The following NYAP2 variants were observed in gnomAD, a reference collection of about 807,000 sequenced individuals.
NYAP2 encodes neuronal tyrosine-phosphorylated phosphoinositide-3-kinase adaptor 2, also known as neuronal tyrosine-phosphorylated phosphoinositide-3-kinase adapter 2.
In NYAP2, 23 loss-of-function variants were observed where a neutral mutation model predicts 50.4. That is an observed-to-expected ratio of 0.46 (90% CI 0.33 to 0.65). The LOEUF is 0.65. Ranked by LOEUF, NYAP2 falls within the 30% of genes least tolerant of loss-of-function variation. The pLI is 0.02. For missense variants in NYAP2, 885 were observed against 861.0 expected, an observed-to-expected ratio of 1.03 and a Z score of -0.35; for synonymous variants, 394 against 365.2, an observed-to-expected ratio of 1.08 and a Z score of -0.90.
At chr2:225,583,955 T>A (rs1333367404) in intron 5 of NYAP2, among the ~76,000 whole-genome samples, 3 of 152,016 alleles carry the variant, frequency 2.0e-5, no homozygotes, top group Non-Finnish European at 2.9e-5. Context: ...GGCAGGAGAA[T>A]GGCGCGAACC....
At chr2:225,510,024 A>G (rs1053989394) in intron 3 of NYAP2, among the ~76,000 whole-genome samples, 2 of 152,214 alleles carry the variant, frequency 1.3e-5, no homozygotes, top group Non-Finnish European at 2.9e-5. Flanking sequence ...AGAAGCCAGG[A>G]GAGACATATA....
At chr2:225,691,461 A>G in the NYAP2 span, among the ~76,000 whole-genome samples, 13 of 152,276 alleles carry the variant, frequency 8.5e-5, no homozygotes, top group East Asian at 2.5e-3. Context: ...AAAAACAGGC[A>G]GTGGGCTGTA....
chr2:225,564,628 T>A (rs970716260), intron 4 of NYAP2, among the ~76,000 whole-genome samples: 2 of 151,654 alleles, frequency 1.3e-5, no homozygotes, highest in Non-Finnish European at 2.9e-5. Flanking sequence ...AGAATGAAGG[T>A]ACACTGCATG....
the NYAP2 span, among the ~76,000 whole-genome samples, chr2:225,667,518 G>T: frequency 6.6e-6 from 1 of 152,152 alleles, no homozygotes; most frequent in Non-Finnish European, 1.5e-5. Context: ...GGAACCATAA[G>T]CATGATCATT....
the NYAP2 span, chr2:225,702,139 AC>A: frequency 2.0e-5 from 3 of 151,772 alleles, no homozygotes; most frequent in African/African-American, 7.2e-5. Flanking sequence ...GGGAATTCAC[AC>A]TTGCAAAGAA....
At chr2:225,435,925 C>G (rs531209577) in intron 3 of NYAP2, among the ~76,000 whole-genome samples, 1 of 152,106 alleles carries the variant, frequency 6.6e-6, no homozygotes, top group Admixed American at 6.6e-5. Context: ...CATTTGTAAA[C>G]GAGATATACT....
intron 3 of NYAP2, among the ~76,000 whole-genome samples, chr2:225,499,930 A>G (rs1690575284): frequency 6.6e-6 from 1 of 152,216 alleles, no homozygotes; most frequent in African/African-American, 2.4e-5. Flanking sequence ...ACGATGTTTG[A>G]GCTAAGTATT....
intron 4 of NYAP2, among the ~76,000 whole-genome samples, chr2:225,550,998 C>A (rs1691664555): frequency 6.6e-6 from 1 of 152,088 alleles, no homozygotes; most frequent in African/African-American, 2.4e-5. Context: ...GGCTATTATC[C>A]ATTATAGATA....
At chr2:225,406,735 A>G (rs1024566716) in intron 2 of NYAP2, among the ~76,000 whole-genome samples, 4 of 152,028 alleles carry the variant, frequency 2.6e-5, no homozygotes, top group Non-Finnish European at 5.9e-5. Context: ...GCATCTTTCT[A>G]TAGTGTAAAT....
intron 4 of NYAP2, among the ~76,000 whole-genome samples, chr2:225,547,284 A>G (rs891710039): frequency 3.3e-5 from 5 of 152,216 alleles, no homozygotes; most frequent in Non-Finnish European, 5.9e-5. Context: ...CTATTTAATT[A>G]CATGGCATAA....
At chr2:225,684,379 A>T in the NYAP2 span, among the ~76,000 whole-genome samples, 1 of 151,234 alleles carries the variant, frequency 6.6e-6, no homozygotes, top group Admixed American at 6.6e-5. Flanking sequence ...GCTGCAGTTC[A>T]TTGTTGCTAT....
intron 4 of NYAP2, among the ~76,000 whole-genome samples, chr2:225,552,864 T>A (rs1020334906): frequency 2.0e-5 from 3 of 152,148 alleles, no homozygotes; most frequent in African/African-American, 7.2e-5. Flanking sequence ...ATTTTTGTAT[T>A]TTCAGTAGAG....
chr2:225,651,720 ATCTT>A, exon 7 of NYAP2: 1 of 773,754 alleles, frequency 1.3e-6, no homozygotes, highest in South Asian at 1.9e-5. Flanking sequence ...GAAAAAGAAT[ATCTT>A]TCTTCCTTGT....
exon 5 of NYAP2, chr2:225,581,981 G>C (rs1327437440): frequency 6.2e-7 from 1 of 1,612,300 alleles, no homozygotes; most frequent in Non-Finnish European, 8.5e-7. Context: ...AATATTCCAA[G>C]AAGATTCCTC....
the NYAP2 span, among the ~76,000 whole-genome samples, chr2:225,665,271 G>A: frequency 6.6e-6 from 1 of 151,894 alleles, no homozygotes; most frequent in East Asian, 1.9e-4. Context: ...TCCTCCTTGG[G>A]TGATTTAGCA....
At chr2:225,647,983 C>T (rs77788665) in intron 6 of NYAP2, among the ~76,000 whole-genome samples, 6 of 151,850 alleles carry the variant, frequency 4.0e-5, no homozygotes, top group South Asian at 4.1e-4. Flanking sequence ...TGTGTGTGTG[C>T]ATATGTATGT....
At chr2:225,403,477 A>G (rs981945112) in intron 2 of NYAP2, among the ~76,000 whole-genome samples, 8 of 151,980 alleles carry the variant, frequency 5.3e-5, no homozygotes, top group Non-Finnish European at 1.0e-4. Context: ...CTATCTTATT[A>G]TAGCTATAAG....
intron 6 of NYAP2, among the ~76,000 whole-genome samples, chr2:225,627,390 T>C (rs1003294575): frequency 5.3e-5 from 8 of 152,204 alleles, no homozygotes; most frequent in Admixed American, 3.3e-4. Flanking sequence ...ACTTAAAAAG[T>C]TTTATACTAA....
Position 225,430,755 on chromosome 2 carries a change from A to G in NYAP2, c.221+21654A>G, listed in dbSNP as rs1259337275. Among the ~76,000 whole-genome samples, 3 of 152,324 alleles carry G rather than the reference A, an allele frequency of 2.0e-5. 1 individual carries two copies. The highest frequency in any genetic ancestry group is 6.8e-3 in the Middle Eastern group (2 of 294). On this transcript the variant is annotated intron_variant, in intron 3 of 6. Coordinates refer to ENST00000636099, the Ensembl canonical transcript of NYAP2. ...AAACCAAAAACAAAGAAAAATACAG[A>G]CATAAATAGGAAAATACAGCAAACA...
Sources: allele counts gnomAD v4.1 joint callset (sites outside exome capture counted in the v4.1 genomes callset), GRCh38; gene constraint gnomAD v4.1.1; transcripts MANE v1.5; gene names NCBI Gene and HGNC (gene_info 2026-07-23, HGNC 2026-07-21).